The following IL17RD variants were observed in gnomAD, a reference collection of about 807,000 sequenced individuals.
IL17RD encodes the protein interleukin 17 receptor D, also known as interleukin-17 receptor D.
In IL17RD, 52 loss-of-function variants were observed where a neutral mutation model predicts 80.5. The observed-to-expected ratio is 0.65, with a 90% CI of 0.52 to 0.81. IL17RD has a LOEUF of 0.81. Ranked by LOEUF, IL17RD falls within the 40% of genes least tolerant of loss-of-function variation. The pLI is 0.00. For missense variants in IL17RD, 1,024 were observed against 955.1 expected, an observed-to-expected ratio of 1.07 and a Z score of -0.95; for synonymous variants, 416 against 391.8, an observed-to-expected ratio of 1.06 and a Z score of -0.73.
chr3:57,101,169 G>C lies in IL17RD; in HGVS notation c.1164+10C>G. The C allele has an allele frequency of 6.2e-7, 1 of 1,611,974 alleles. No individual in the cohort carries two copies. The highest frequency in any genetic ancestry group is 8.5e-7 in the Non-Finnish European group (1 of 1,178,598). On this transcript the variant is annotated intron_variant, in intron 11 of 12. Coordinates refer to ENST00000296318, the MANE Select transcript of IL17RD (RefSeq NM_017563.5). The stretch of plus-strand genomic sequence containing the variant: ...GGCCAGGGTAGGAGAAGGAACTTTA[G>C]ATTCCGCACCTCACAGCCACAGAAG...
chr3:57,102,312 CTGAG>C (rs1360726465), intron 10 of IL17RD, among the ~76,000 whole-genome samples, 163 bp downstream of exon 10: 1 of 152,122 alleles, frequency 6.6e-6, no homozygotes, highest in African/African-American at 2.4e-5. Context: ...TTAGTGGCTC[CTGAG>C]GTTAAAAGCC....
chr3:57,168,084 A>G (rs2060355508), upstream of IL17RD, among the ~76,000 whole-genome samples: 1 of 152,198 alleles, frequency 6.6e-6, no homozygotes, highest in South Asian at 2.1e-4. Context: ...TGCCTGCCTC[A>G]GCCTCACAAA....
intron 2 of IL17RD, among the ~76,000 whole-genome samples, chr3:57,117,389 C>T (rs1190551202): frequency 6.6e-6 from 1 of 152,182 alleles, no homozygotes; most frequent in Non-Finnish European, 1.5e-5. Context: ...GCTGGGATTA[C>T]AGGCATGAGC....
Position 57,096,327 on chromosome 3 carries a change from G to A in IL17RD, c.*66C>T, listed in dbSNP as rs187346425. 4 of 1,070,196 alleles carry A rather than the reference G, an allele frequency of 3.7e-6. No individual in the cohort carries two copies. Among genetic ancestry groups the A allele is most frequent in the Admixed American group, 3.4e-5 (2 of 59,324 alleles). 66.3% of individuals were successfully genotyped at this position (1,070,196 alleles called of 1,614,324 possible). ...GCTCCAAGTGGGCCATGCAACCAGG[G>A]AGATGAGCTGGGGAATCAGAGGGAG... On this transcript the variant is annotated 3_prime_UTR_variant, in exon 13 of 13. Transcript: ENST00000296318.
chr3:57,109,020 G>C (rs755454746), intron 5 of IL17RD, among the ~76,000 whole-genome samples: 1 of 152,198 alleles, frequency 6.6e-6, no homozygotes, highest in Non-Finnish European at 1.5e-5. Context: ...GAACAAGCCA[G>C]GAGTGGGTCT....
At chr3:57,127,015 G>A (rs1269184489) in intron 1 of IL17RD, among the ~76,000 whole-genome samples, 2 of 150,896 alleles carry the variant, frequency 1.3e-5, no homozygotes, top group Non-Finnish European at 2.9e-5. Context: ...AGTAGAGACA[G>A]GGTTTTGCCA....
intron 2 of IL17RD, 60 bp downstream of exon 2, chr3:57,120,196 T>C (rs1039836010): frequency 7.7e-7 from 1 of 1,302,782 alleles, no homozygotes; most frequent in Non-Finnish European, 1.1e-6. Context: ...TAAGCATGGC[T>C]ATGTAATCTC....
chr3:57,146,989 AT>A (rs1244457109), intron 1 of IL17RD, among the ~76,000 whole-genome samples: 25,657 of 126,398 alleles, frequency 0.2, 2,408 homozygotes, highest in East Asian at 0.5. Flanking sequence ...TGCCCGGCTA[AT>A]TTTTTTTTTT....
chr3:57,110,620 A>G (rs2107484140), intron 3 of IL17RD, among the ~76,000 whole-genome samples: 1 of 152,352 alleles, frequency 6.6e-6, no homozygotes, highest in African/African-American at 2.4e-5. Context: ...TGGTCATAAA[A>G]AGTCTGAAGT....
At chr3:57,119,388 G>A (rs1305862136) in intron 2 of IL17RD, among the ~76,000 whole-genome samples, 9 of 151,734 alleles carry the variant, frequency 5.9e-5, no homozygotes, top group African/African-American at 2.2e-4. Flanking sequence ...ACAAAACTAG[G>A]TGTGGTGGCA....
At chr3:57,135,276 G>T (rs1281046511) in intron 1 of IL17RD, among the ~76,000 whole-genome samples, 2 of 152,174 alleles carry the variant, frequency 1.3e-5, no homozygotes, top group Non-Finnish European at 2.9e-5. Context: ...GGCACAGCAG[G>T]TTCAGAGCAA....
At chr3:57,167,045 G>C (rs2060351504), upstream of IL17RD, among the ~76,000 whole-genome samples, 1 of 152,208 alleles carries the variant, frequency 6.6e-6, no homozygotes, top group East Asian at 1.9e-4. Flanking sequence ...CTAGAACCAA[G>C]GAGTAGAGCC....
chr3:57,163,340 G>T (rs2107548844), intron 1 of IL17RD, among the ~76,000 whole-genome samples: 1 of 152,192 alleles, frequency 6.6e-6, no homozygotes, highest in African/African-American at 2.4e-5. Context: ...GAGGTGACTG[G>T]GACAGAGCCA....
At chr3:57,113,855 T>G (rs990119526) in intron 3 of IL17RD, among the ~76,000 whole-genome samples, 1 of 152,052 alleles carries the variant, frequency 6.6e-6, no homozygotes, top group Admixed American at 6.5e-5. Flanking sequence ...CTTTTTTTTG[T>G]TCTTTTCCAT....
chr3:57,111,236 T>C (rs1394632887), intron 3 of IL17RD, among the ~76,000 whole-genome samples: 3 of 152,236 alleles, frequency 2.0e-5, no homozygotes, highest in African/African-American at 7.2e-5. Flanking sequence ...GTGGGAAATT[T>C]ATTGATGATA....
At chr3:57,150,010 C>A (rs1307671100) in intron 1 of IL17RD, among the ~76,000 whole-genome samples, 1 of 152,156 alleles carries the variant, frequency 6.6e-6, no homozygotes, top group Non-Finnish European at 1.5e-5. Context: ...CCCATCAACC[C>A]AAAAAATTCC....
chr3:57,143,025 T>C (rs752238241), intron 1 of IL17RD, among the ~76,000 whole-genome samples: 20 of 152,110 alleles, frequency 1.3e-4, no homozygotes, highest in Non-Finnish European at 2.9e-4. Flanking sequence ...GGAGCATAAA[T>C]AAAGTAGACA....
intron 1 of IL17RD, 198 bp downstream of exon 1, chr3:57,164,963 T>C: frequency 7.6e-7 from 1 of 1,314,814 alleles, no homozygotes; most frequent in Non-Finnish European, 9.7e-7. Context: ...GGCAGCCGCT[T>C]TCATCTCGGC....
Position 57,102,592 on chromosome 3 carries a change from G to C in IL17RD, c.869-3C>G. 1 of 1,471,276 alleles carries C rather than the reference G, an allele frequency of 6.8e-7. No individual in the cohort carries two copies. Among genetic ancestry groups the C allele is most frequent in the Non-Finnish European group, 9.3e-7 (1 of 1,073,618 alleles). The allele number at this position is 1,471,276 out of a possible 1,614,324, so 91.1% of individuals were successfully genotyped here. A position where few individuals can be genotyped will look rare whatever the true frequency, so the allele number is the denominator to read the frequency against. On this transcript the variant is annotated splice_polypyrimidine_tract_variant and splice_region_variant and intron_variant, in intron 9 of 12. Coordinates refer to ENST00000296318, the MANE Select transcript of IL17RD (RefSeq NM_017563.5). ...GGGCCCGGCCCACGGGGAGTGCACT[G>C]GGAAATTTCAAAGGGAAAGTTTTTA...
Sources: gnomAD v4.1 joint callset for allele counts (sites outside exome capture counted in the v4.1 genomes callset) on GRCh38, gnomAD v4.1.1 for gene constraint, MANE v1.5 for transcripts, NCBI Gene and HGNC (gene_info 2026-07-23, HGNC 2026-07-21) for gene names.